Variants in GSK3B observed in about 807,000 individuals in gnomAD.
GSK3B encodes the protein glycogen synthase kinase-3 beta.
In GSK3B, 15 loss-of-function variants were observed where a neutral mutation model predicts 56.4. The ratio of observed to expected loss-of-function variants is 0.27; its 90% CI spans 0.18 to 0.41. The LOEUF is 0.41. Ranked by LOEUF, GSK3B falls within the 10% of genes least tolerant of loss-of-function variation. GSK3B has a pLI of 1.00. For synonymous variants in GSK3B, 181 were observed against 188.9 expected (o/e 0.96, Z 0.34); for missense variants, 300 against 513.4 (o/e 0.58, Z 4.02).
At chr3:119,840,689 C>A (rs991684360) in intron 10 of GSK3B, among the ~76,000 whole-genome samples, 1 of 152,164 alleles carries the variant, frequency 6.6e-6, no homozygotes, top group Non-Finnish European at 1.5e-5. Flanking sequence ...CATACTTGGG[C>A]CTTCACTACT....
chr3:119,998,082 CA>C (rs1359135944), intron 2 of GSK3B, among the ~76,000 whole-genome samples: 1 of 152,198 alleles, frequency 6.6e-6, no homozygotes, highest in African/African-American at 2.4e-5. Flanking sequence ...AAAGATATCA[CA>C]AGCAAAGTCA....
At chr3:120,016,606 A>C (rs1294746267) in intron 1 of GSK3B, among the ~76,000 whole-genome samples, 1 of 152,200 alleles carries the variant, frequency 6.6e-6, no homozygotes, top group East Asian at 1.9e-4. Flanking sequence ...AAAACTCCAA[A>C]TATCTTACAA....
chr3:119,912,564 C>T (rs2056745400), intron 6 of GSK3B, 140 bp downstream of exon 6: 2 of 444,148 alleles, frequency 4.5e-6, no homozygotes, highest in Admixed American at 3.7e-5. Context: ...TACATGTTTG[C>T]ATCTCAAGCT....
intron 1 of GSK3B, among the ~76,000 whole-genome samples, chr3:120,087,206 G>A (rs1202589489): frequency 6.6e-6 from 1 of 152,116 alleles, no homozygotes; most frequent in Non-Finnish European, 1.5e-5. Flanking sequence ...TTGATGCATA[G>A]CTGTTATTCT....
At chr3:119,828,426 G>A (rs1260209019) in intron 10 of GSK3B, among the ~76,000 whole-genome samples, 1 of 152,216 alleles carries the variant, frequency 6.6e-6, no homozygotes, top group Non-Finnish European at 1.5e-5. Flanking sequence ...CCCTGAGCAA[G>A]AGAGGTAGCT....
chr3:120,064,863 C>T (rs988966106), intron 1 of GSK3B, among the ~76,000 whole-genome samples: 1 of 152,156 alleles, frequency 6.6e-6, no homozygotes, highest in African/African-American at 2.4e-5. Context: ...CTATGGTCAA[C>T]TGATGAGTAA....
intron 9 of GSK3B, among the ~76,000 whole-genome samples, chr3:119,861,973 A>G (rs1037667342): frequency 6.6e-6 from 1 of 152,202 alleles, no homozygotes; most frequent in East Asian, 1.9e-4. Flanking sequence ...TACACATTAC[A>G]TCCAAATACA....
chr3:120,066,364 C>T (rs2058278626), intron 1 of GSK3B, among the ~76,000 whole-genome samples: 1 of 152,036 alleles, frequency 6.6e-6, no homozygotes, highest in Admixed American at 6.6e-5. Flanking sequence ...CCAAAGACTA[C>T]TGAGGTTATA....
intron 1 of GSK3B, among the ~76,000 whole-genome samples, chr3:120,053,671 T>C (rs949969246): frequency 1.3e-5 from 2 of 152,218 alleles, no homozygotes; most frequent in East Asian, 1.9e-4. Flanking sequence ...TTTTGAATTG[T>C]AGCTGCCAAA....
chr3:120,039,636 C>T (rs1358567866), intron 1 of GSK3B, among the ~76,000 whole-genome samples: 1 of 152,220 alleles, frequency 6.6e-6, no homozygotes, highest in Admixed American at 6.5e-5. Context: ...AACTCACCTT[C>T]CCCTTTTCTT....
intron 3 of GSK3B, among the ~76,000 whole-genome samples, chr3:119,944,144 A>T (rs1199539870): frequency 2.0e-5 from 3 of 152,144 alleles, no homozygotes; most frequent in Non-Finnish European, 4.4e-5. Flanking sequence ...ACAATGAGTT[A>T]TTCTTTCTCA....
intron 7 of GSK3B, among the ~76,000 whole-genome samples, chr3:119,877,122 T>C (rs2056323541): frequency 6.6e-6 from 1 of 152,176 alleles, no homozygotes; most frequent in South Asian, 2.1e-4. Context: ...TAATGTTAAA[T>C]TTGGGTCATA....
chr3:120,056,268 T>C (rs977361111), intron 1 of GSK3B, among the ~76,000 whole-genome samples: 39 of 152,352 alleles, frequency 2.6e-4, no homozygotes, highest in South Asian at 2.1e-3. Flanking sequence ...ATGGCAAAGA[T>C]CTACAGATGT....
At chr3:119,997,251 C>T (rs75755546) in intron 2 of GSK3B, among the ~76,000 whole-genome samples, 2,425 of 152,156 alleles carry the variant, frequency 0.016, 62 homozygotes, top group African/African-American at 0.055. Flanking sequence ...TCAAAACCAA[C>T]GGAGGAGGCA....
intron 1 of GSK3B, chr3:120,029,167 T>C: frequency 1.5e-6 from 1 of 688,580 alleles, no homozygotes; most frequent in Non-Finnish European, 2.7e-6. Context: ...TAGCATAAGA[T>C]CACAAAAAAG....
intron 1 of GSK3B, among the ~76,000 whole-genome samples, chr3:120,019,519 T>C (rs1306483485): frequency 1.3e-5 from 2 of 152,242 alleles, no homozygotes; most frequent in African/African-American, 4.8e-5. Flanking sequence ...CAAACACACA[T>C]CCTAGGTTAC....
At chr3:120,009,086 CTCA>C (rs1362138117) in intron 1 of GSK3B, among the ~76,000 whole-genome samples, 2 of 152,126 alleles carry the variant, frequency 1.3e-5, no homozygotes, top group South Asian at 2.1e-4. Context: ...TGAAAAAATG[CTCA>C]TCGTCACTGG....
At chr3:120,049,044 G>C (rs563198487) in intron 1 of GSK3B, among the ~76,000 whole-genome samples, 1 of 152,176 alleles carries the variant, frequency 6.6e-6, no homozygotes, top group Non-Finnish European at 1.5e-5. Flanking sequence ...AATGGGTTTT[G>C]CTAGACAGTC....
intron 1 of GSK3B, among the ~76,000 whole-genome samples, chr3:120,034,714 C>A (rs896033500): frequency 6.6e-6 from 1 of 151,912 alleles, no homozygotes. Flanking sequence ...CTGGGTACCC[C>A]AAAAAAGATA....
Sources: allele counts gnomAD v4.1 joint callset (sites outside exome capture counted in the v4.1 genomes callset), GRCh38; gene constraint gnomAD v4.1.1; transcripts MANE v1.5; gene names NCBI Gene and HGNC (gene_info 2026-07-23, HGNC 2026-07-21).